The following EYA4 variants were observed in gnomAD, a reference collection of about 807,000 sequenced individuals.
EYA4 encodes protein phosphatase EYA4.
EYA4 carries 31 observed loss-of-function variants against 87.9 expected under a neutral mutation model. The observed-to-expected ratio is 0.35, with a 90% CI of 0.27 to 0.48. The LOEUF (loss-of-function observed/expected upper bound fraction) is 0.48. EYA4 is among the 20% of genes least tolerant of loss of function. EYA4 has a pLI of 0.99. For missense variants in EYA4, 678 were observed against 761.4 expected (o/e 0.89, Z 1.29); for synonymous variants, 263 against 270.6 (o/e 0.97, Z 0.28).
At chr6:133,483,509 A>C (rs1293388789) in intron 13 of EYA4, among the ~76,000 whole-genome samples, 5 of 151,928 alleles carry the variant, frequency 3.3e-5, no homozygotes, top group Admixed American at 2.0e-4. Context: ...AATAGCGAGT[A>C]ATCTTTCGTC....
At chr6:133,332,711 ATTTTT>A (rs71003634) in intron 2 of EYA4, among the ~76,000 whole-genome samples, 3 of 124,898 alleles carry the variant, frequency 2.4e-5, no homozygotes, top group South Asian at 2.8e-4. Flanking sequence ...GCCCAGCTAA[ATTTTT>A]TTTTTTTTTT....
chr6:133,370,419 A>G (rs1740080805), intron 2 of EYA4, among the ~76,000 whole-genome samples: 1 of 152,220 alleles, frequency 6.6e-6, no homozygotes, highest in African/African-American at 2.4e-5. Flanking sequence ...TAGATTTTTC[A>G]CAGTTTTTTA....
At chr6:133,276,274 C>T (rs570821928) in intron 2 of EYA4, among the ~76,000 whole-genome samples, 6 of 152,174 alleles carry the variant, frequency 3.9e-5, no homozygotes, top group East Asian at 3.9e-4. Flanking sequence ...GAGTGACCAA[C>T]GTTTTTTTGT....
intron 3 of EYA4, among the ~76,000 whole-genome samples, chr6:133,424,905 C>G (rs1451214025): frequency 6.6e-6 from 1 of 150,918 alleles, no homozygotes; most frequent in Admixed American, 6.6e-5. Flanking sequence ...AGCAGTGCCT[C>G]CCTGCTACAG....
rs1172302005 is a variant in EYA4 at position 133,529,712 on chromosome 6, T to A, written c.*907T>A. 2.0e-6 allele frequency: 2 copies of A among 984,986 alleles called. No homozygotes were observed. The highest frequency in any genetic ancestry group is 3.5e-5 in the African/African-American group (2 of 57,234). The allele number at this position is 984,986 out of a possible 1,614,324, so 61.0% of individuals were successfully genotyped here. On this transcript the variant is annotated 3_prime_UTR_variant, in exon 20 of 20. Transcript: ENST00000355286. ...AATTCCAATAATTGTATGAGGCAAC[T>A]ATTTGCGCATCCAACCATGAGTGGA...
intron 1 of EYA4, among the ~76,000 whole-genome samples, chr6:133,243,089 C>CGTGTGTGTGTGTGTGTGTGTGTGT (rs3065226): frequency 2.8e-5 from 4 of 145,372 alleles, no homozygotes; most frequent in Admixed American, 1.4e-4. Context: ...GGAGCAACTT[C>CGTGTGTGTGTGTGTGTGTGTGTGT]GTGTGTGTGT....
At chr6:133,286,037 T>C (rs73009604) in intron 2 of EYA4, among the ~76,000 whole-genome samples, 26,346 of 152,116 alleles carry the variant, frequency 0.17, 2,787 homozygotes, top group East Asian at 0.41. Context: ...GCCATATAAC[T>C]AGTGCTGGCC....
chr6:133,425,131 C>A (rs1790558238), intron 3 of EYA4, among the ~76,000 whole-genome samples: 1 of 150,660 alleles, frequency 6.6e-6, no homozygotes, highest in African/African-American at 2.5e-5. Flanking sequence ...TGTGTTATTT[C>A]CAGCTGTTTA....
chr6:133,277,481 C>G (rs927135951), intron 2 of EYA4, among the ~76,000 whole-genome samples: 1 of 152,230 alleles, frequency 6.6e-6, no homozygotes, highest in Non-Finnish European at 1.5e-5. Flanking sequence ...TCTTCCTCCT[C>G]TATGGAGTGG....
chr6:133,420,461 C>T (rs1191986592), intron 3 of EYA4, among the ~76,000 whole-genome samples: 1 of 152,200 alleles, frequency 6.6e-6, no homozygotes, highest in Non-Finnish European at 1.5e-5. Context: ...AGGACAAGAG[C>T]TGTTTTTCTG....
At chr6:133,357,328 G>A (rs78088188) in intron 2 of EYA4, among the ~76,000 whole-genome samples, 11,603 of 147,060 alleles carry the variant, frequency 0.079, 703 homozygotes, top group African/African-American at 0.17. Context: ...CTTTATTTAT[G>A]CATAAACTCT....
chr6:133,336,806 A>T (rs778145312), intron 2 of EYA4, among the ~76,000 whole-genome samples: 1 of 152,192 alleles, frequency 6.6e-6, no homozygotes, highest in East Asian at 1.9e-4. Flanking sequence ...ACATGTTAAG[A>T]ACTGTGGAAT....
intron 2 of EYA4, among the ~76,000 whole-genome samples, chr6:133,312,356 TGTG>T (rs945538927): frequency 1.1e-4 from 16 of 150,834 alleles, no homozygotes; most frequent in African/African-American, 3.9e-4. Context: ...TGGTGGTACT[TGTG>T]TGTGTGTGAG....
intron 1 of EYA4, among the ~76,000 whole-genome samples, chr6:133,267,544 G>A (rs764202351): frequency 5.3e-5 from 8 of 151,904 alleles, no homozygotes; most frequent in South Asian, 2.1e-4. Flanking sequence ...CACCATGCCC[G>A]GCTAATTTTT....
chr6:133,451,248 T>G (rs1277729405), intron 5 of EYA4, among the ~76,000 whole-genome samples: 1 of 152,216 alleles, frequency 6.6e-6, no homozygotes, highest in Non-Finnish European at 1.5e-5. Context: ...ATTCTCCTTT[T>G]GATATTTTTC....
intron 3 of EYA4, among the ~76,000 whole-genome samples, chr6:133,428,969 C>T (rs1429060694): frequency 2.7e-5 from 3 of 109,916 alleles, no homozygotes; most frequent in Admixed American, 1.3e-4. Flanking sequence ...CTCTGTTGCC[C>T]AGGCTGGAGG....
At chr6:133,245,563 A>C (rs1165003323) in intron 1 of EYA4, among the ~76,000 whole-genome samples, 10 of 152,232 alleles carry the variant, frequency 6.6e-5, no homozygotes, top group Non-Finnish European at 1.3e-4. Context: ...GTGGCATTGC[A>C]GTGTACCTGC....
chr6:133,344,391 C>T (rs72995908), intron 2 of EYA4, among the ~76,000 whole-genome samples: 4,655 of 152,180 alleles, frequency 0.031, 170 homozygotes, highest in East Asian at 0.19. Flanking sequence ...TAAAATTTTA[C>T]GAATTTAAGA....
At chr6:133,360,457 A>T (rs916499201) in intron 2 of EYA4, 1 of 152,244 alleles carries the variant, frequency 6.6e-6, no homozygotes, top group Non-Finnish European at 1.5e-5. Flanking sequence ...AAAGAGAATG[A>T]CATCTGAGTA....
Sources: gnomAD v4.1 joint callset for allele counts (sites outside exome capture counted in the v4.1 genomes callset) on GRCh38, gnomAD v4.1.1 for gene constraint, MANE v1.5 for transcripts, NCBI Gene and HGNC (gene_info 2026-07-23, HGNC 2026-07-21) for gene names.